Variants in NLGN4X observed in about 807,000 individuals in gnomAD.
The protein encoded by NLGN4X is neuroligin 4 X-linked.
Under a neutral mutation model 40.3 loss-of-function variants are expected in NLGN4X, and 3 were observed. That is an observed-to-expected ratio of 0.07 (90% CI 0.03 to 0.19). NLGN4X has a LOEUF of 0.19. NLGN4X is among the 10% of genes least tolerant of loss of function. NLGN4X has a pLI of 1.00. For missense variants in NLGN4X, 382 were observed against 708.3 expected (o/e 0.54, Z 5.23); for synonymous variants, 270 against 306.8 (o/e 0.88, Z 1.25).
intron 1 of NLGN4X, chrX:6,227,989 A>G (rs971683691): frequency 2.6e-5 from 3 of 117,580 alleles, no homozygotes; most frequent in Non-Finnish European, 5.3e-5. Context: ...GAGAAAAAGA[A>G]AAGAAAAGCC....
At chrX:6,151,920 T>C (rs1292340790) in intron 1 of NLGN4X, 149 bp from the exon 2 acceptor site, 2 of 159,352 alleles carry the variant, frequency 1.3e-5, no homozygotes, top group Admixed American at 1.5e-4. Context: ...CTCCACATAG[T>C]AGGCAACAGC....
At position 6,082,948 on chromosome X, in the gene NLGN4X, G is replaced by GTTTTTTTTTTT. The variant is rs930625574; in HGVS notation, c.473-53517_473-53516insAAAAAAAAAAA. The stretch of plus-strand genomic sequence containing the variant: ...AAAAAAAGAGATTTTGCCATGATGC[G>GTTTTTTTTTTT]TTTTTTTCTTTTTTTTTTTTTTTTT... On this transcript the variant is annotated intron_variant, in intron 2 of 5. Coordinates refer to ENST00000381095, the MANE Select transcript of NLGN4X (RefSeq NM_181332.3). 1.2e-3 allele frequency among the ~76,000 whole-genome samples: 83 copies of GTTTTTTTTTTT among 70,344 alleles called. 13 individuals carry two copies. Among genetic ancestry groups the GTTTTTTTTTTT allele is most frequent in the African/African-American group, 1.4e-3 (29 of 20,657 alleles). 61.1% of individuals were successfully genotyped at this position (70,344 alleles called of 115,157 possible). A position where few individuals can be genotyped will look rare whatever the true frequency, so the allele number is the denominator to read the frequency against.
At chrX:5,990,636 A>T (rs149773347) in intron 3 of NLGN4X, among the ~76,000 whole-genome samples, 7,954 of 111,722 alleles carry the variant, frequency 0.071, 693 homozygotes, top group African/African-American at 0.24. Context: ...CCTTTATTCA[A>T]CTAATTTTTT....
intron 1 of NLGN4X, chrX:6,187,854 A>G (rs1445390131): frequency 8.9e-6 from 1 of 112,336 alleles, no homozygotes; most frequent in East Asian, 2.8e-4. Flanking sequence ...TTGCCTCAGC[A>G]TGAAAAGGTA....
chrX:6,110,017 C>A (rs1251572727), intron 2 of NLGN4X, among the ~76,000 whole-genome samples: 1 of 110,877 alleles, frequency 9.0e-6, no homozygotes, highest in Non-Finnish European at 1.9e-5. Context: ...GCTTTCCTGA[C>A]ACAGAAAAGG....
intron 3 of NLGN4X, among the ~76,000 whole-genome samples, chrX:5,911,636 T>C (rs1181759415): frequency 1.8e-5 from 2 of 112,163 alleles, no homozygotes; most frequent in Non-Finnish European, 3.8e-5. Flanking sequence ...GGGATTATTA[T>C]TTTTTTCTTT....
intron 2 of NLGN4X, among the ~76,000 whole-genome samples, chrX:6,125,773 A>G (rs1255949006): frequency 2.7e-5 from 3 of 111,755 alleles, no homozygotes; most frequent in Non-Finnish European, 5.7e-5. Context: ...GAAAATATAC[A>G]ATTAAAGAAA....
At chrX:6,134,810 AAGAAGTCTACTGAGC>A (rs1334767374) in intron 2 of NLGN4X, among the ~76,000 whole-genome samples, 28 of 112,336 alleles carry the variant, frequency 2.5e-4, no homozygotes, top group Admixed American at 9.4e-4. Context: ...TAGTCTCACA[AAGAAGTCTACTGAGC>A]AGAAAGAGCA....
chrX:6,107,009 A>G (rs997253408), intron 2 of NLGN4X, among the ~76,000 whole-genome samples: 34 of 112,825 alleles, frequency 3.0e-4, no homozygotes, highest in African/African-American at 1.1e-3. Context: ...CTAAAAATTG[A>G]AATATGAATT....
intron 3 of NLGN4X, among the ~76,000 whole-genome samples, chrX:5,987,498 A>G (rs2035562075): frequency 1.8e-5 from 2 of 112,778 alleles, no homozygotes; most frequent in African/African-American, 6.4e-5. Context: ...ATAATATAAG[A>G]TAACAGAACA....
At chrX:6,133,568 C>T (rs1435885531) in intron 2 of NLGN4X, among the ~76,000 whole-genome samples, 2 of 111,597 alleles carry the variant, frequency 1.8e-5, no homozygotes, top group Non-Finnish European at 3.8e-5. Flanking sequence ...ATTTCACGTC[C>T]AATTTTCTGT....
chrX:5,910,235 CAA>C (rs946131302), intron 3 of NLGN4X, among the ~76,000 whole-genome samples: 3 of 111,793 alleles, frequency 2.7e-5, no homozygotes, highest in African/African-American at 9.8e-5. Flanking sequence ...AGGCCTCCTG[CAA>C]GTTTAGTTCA....
chrX:5,942,317 A>G (rs2033973907), intron 3 of NLGN4X, among the ~76,000 whole-genome samples: 1 of 111,347 alleles, frequency 9.0e-6, no homozygotes, highest in Admixed American at 9.5e-5. Context: ...AGTGGGGGCG[A>G]GCCACATCAG....
intron 2 of NLGN4X, among the ~76,000 whole-genome samples, chrX:6,135,028 G>A (rs765283340): frequency 6.1e-4 from 69 of 112,630 alleles, no homozygotes; most frequent in African/African-American, 2.0e-3. Context: ...TTATCCTTCA[G>A]TAAACCTAAC....
At chrX:6,070,964 C>T (rs1279473411) in intron 2 of NLGN4X, among the ~76,000 whole-genome samples, 1 of 111,304 alleles carries the variant, frequency 9.0e-6, no homozygotes, top group Non-Finnish European at 1.9e-5. Context: ...CTGGGGATTA[C>T]AATTCAAGAT....
intron 2 of NLGN4X, among the ~76,000 whole-genome samples, chrX:6,129,732 G>C (rs1317863146): frequency 9.1e-6 from 1 of 110,334 alleles, no homozygotes; most frequent in Non-Finnish European, 1.9e-5. Context: ...GGGCAGGTGG[G>C]AATTGAAGAA....
At chrX:6,195,428 A>G (rs1438061489) in intron 1 of NLGN4X, among the ~76,000 whole-genome samples, 1 of 112,097 alleles carries the variant, frequency 8.9e-6, no homozygotes, top group Non-Finnish European at 1.9e-5. Flanking sequence ...ACATCCCGCA[A>G]TCTCCGCACT....
chrX:6,113,804 T>TTTTTG (rs2147539159), intron 2 of NLGN4X, among the ~76,000 whole-genome samples: 1 of 111,136 alleles, frequency 9.0e-6, no homozygotes, highest in African/African-American at 3.3e-5. Flanking sequence ...ACCTCTGGGT[T>TTTTTG]TTTTGTTTTG....
At chrX:6,219,666 C>T (rs1446014190) in intron 1 of NLGN4X, among the ~76,000 whole-genome samples, 2 of 108,646 alleles carry the variant, frequency 1.8e-5, no homozygotes, top group East Asian at 5.8e-4. Context: ...CTTCCTTCTT[C>T]CCTTCCTTCT....
Sources: gnomAD v4.1 joint callset for allele counts (sites outside exome capture counted in the v4.1 genomes callset) on GRCh38, gnomAD v4.1.1 for gene constraint, MANE v1.5 for transcripts, NCBI Gene and HGNC (gene_info 2026-07-23, HGNC 2026-07-21) for gene names.